The following PCDHGA4 variants were observed in gnomAD, a reference collection of about 807,000 sequenced individuals.
The protein encoded by PCDHGA4 is protocadherin gamma-A4.
In PCDHGA4, 38 loss-of-function variants were observed where a neutral mutation model predicts 54.6. That is an observed-to-expected ratio of 0.70 (90% confidence interval 0.54 to 0.91). The LOEUF (loss-of-function observed/expected upper bound fraction) is 0.91, where lower values mean the gene tolerates loss of function less well. PCDHGA4 is among the 40% of genes least tolerant of loss of function. PCDHGA4 has a pLI of 0.00. For synonymous variants in PCDHGA4, 511 were observed against 512.9 expected (o/e 1.00, Z 0.05); for missense variants, 1,298 against 1,220.9 (o/e 1.06, Z -0.94).
rs991408001 is a variant in PCDHGA4, at chr5:141,450,171, C to G, written c.2515-44636C>G. Among the ~76,000 whole-genome samples, 5 of 151,690 alleles carry G rather than the reference C, an allele frequency of 3.3e-5. No individual in the cohort carries two copies. In the East Asian group the frequency reaches 7.8e-4, roughly 24 times the overall value. ...ACAGGCATGTGCCACCACACTCCCACCACACCCAGCTAATTTTTGTATTTT... is the reference window on the plus strand; with the variant it reads ...ACAGGCATGTGCCACCACACTCCCAGCACACCCAGCTAATTTTTGTATTTT... On this transcript the variant is annotated intron_variant, in intron 1 of 3. Transcript: ENST00000571252.
intron 1 of PCDHGA4, chr5:141,419,680 C>T (rs757026598): frequency 9.3e-6 from 15 of 1,612,946 alleles, no homozygotes; most frequent in Non-Finnish European, 1.3e-5. Flanking sequence ...TGTCCTACCA[C>T]GTGGTGCAGG....
At chr5:141,393,968 C>T (rs2092886432) in intron 1 of PCDHGA4, 1 of 1,613,770 alleles carries the variant, frequency 6.2e-7, no homozygotes, top group Non-Finnish European at 8.5e-7. Context: ...TTGTCTGTTA[C>T]ACACGTGATA....
intron 1 of PCDHGA4, among the ~76,000 whole-genome samples, chr5:141,405,967 G>A (rs76683972): frequency 6.6e-6 from 1 of 152,068 alleles, no homozygotes; most frequent in Non-Finnish European, 1.5e-5. Flanking sequence ...TGCTGTCAAC[G>A]TAAACCATAC....
chr5:141,422,078 A>G lies in PCDHGA4; in HGVS notation c.2514+64457A>G, dbSNP rs1442545718. 11 of 1,612,298 alleles carry G rather than the reference A, an allele frequency of 6.8e-6. No homozygotes were observed. In the South Asian group the frequency reaches 8.8e-5, roughly 13 times the overall value. Reference sequence around the variant, plus strand: ...GGGGAAGTAATGTATTCATTTCGGAACATGGAAAGCAAGGCTTCTGAAATA... The same window carrying G: ...GGGGAAGTAATGTATTCATTTCGGAGCATGGAAAGCAAGGCTTCTGAAATA... On this transcript the variant is annotated intron_variant, in intron 1 of 3. Coordinates refer to ENST00000571252, the MANE Select transcript of PCDHGA4 (RefSeq NM_018917.4).
chr5:141,426,491 G>A, intron 1 of PCDHGA4: 1 of 336,822 alleles, frequency 3.0e-6, no homozygotes, highest in South Asian at 2.4e-5. Flanking sequence ...CTTAGAGTTA[G>A]TGCAGAGAAA....
chr5:141,375,250 T>C (rs1771286937), intron 1 of PCDHGA4: 3 of 1,613,664 alleles, frequency 1.9e-6, no homozygotes, highest in Non-Finnish European at 2.5e-6. Context: ...TCCCGAGAAG[T>C]CTCCCATTTG....
chr5:141,403,969 T>G (rs1437416293), intron 1 of PCDHGA4: 1 of 1,613,690 alleles, frequency 6.2e-7, no homozygotes, highest in African/African-American at 1.3e-5. Context: ...CGGTGGAAGA[T>G]GTAAATGACA....
chr5:141,397,978 C>T (rs2093593315), intron 1 of PCDHGA4: 3 of 1,261,604 alleles, frequency 2.4e-6, no homozygotes, highest in Admixed American at 2.8e-5. Flanking sequence ...CAGCGCCGGC[C>T]TTTACACCGC....
intron 1 of PCDHGA4, chr5:141,388,664 G>A: frequency 1.2e-6 from 2 of 1,613,908 alleles, no homozygotes; most frequent in South Asian, 2.2e-5. Context: ...CGGGGACCAC[G>A]GTGCTACAGG....
rs1760227280 is a variant in PCDHGA4, at chr5:141,356,457, C to T, written c.1350C>T (p.Asn450=). Residue 450 remains asparagine (N), a synonymous_variant, in exon 1 of 4, where the codon AAC becomes AAT. Coordinates refer to ENST00000571252, the MANE Select transcript of PCDHGA4 (RefSeq NM_018917.4). ...ACAGGGAAGAAGTCTCAGAATATAA[C>T]ATCACTGTAACTGCCACTGACCAGG... The part of the protein sequence containing the change: ...TLDREEVSEY[N]ITVTATDQGT... 6.2e-7 allele frequency: 1 copy of T among 1,613,452 alleles called. No individual in the cohort carries two copies. The highest frequency in any genetic ancestry group is 2.2e-5 in the East Asian group (1 of 44,880).
chr5:141,402,209 T>A (rs2094239307), intron 1 of PCDHGA4, among the ~76,000 whole-genome samples: 1 of 152,084 alleles, frequency 6.6e-6, no homozygotes, highest in Non-Finnish European at 1.5e-5. Context: ...AATACAAAAA[T>A]TTAAAATAAA....
At chr5:141,483,186 A>G (rs2099578047) in intron 1 of PCDHGA4, among the ~76,000 whole-genome samples, 1 of 152,174 alleles carries the variant, frequency 6.6e-6, no homozygotes, top group Non-Finnish European at 1.5e-5. Flanking sequence ...CAAGCCAAGG[A>G]GTTTTTATTT....
chr5:141,476,507 A>G lies in PCDHGA4; in HGVS notation c.2515-18300A>G. 1 of 1,614,102 alleles carries G rather than the reference A, an allele frequency of 6.2e-7. No individual in the cohort carries two copies. The highest frequency in any genetic ancestry group is 8.5e-7 in the Non-Finnish European group (1 of 1,180,008). On this transcript the variant is annotated intron_variant, in intron 1 of 3. Transcript: ENST00000571252. This position sits in a 1 kb window ranked among gnomAD's most constrained non-coding sequence, Gnocchi z 7.6. Reference sequence around the variant, plus strand: ...AGTGGTGATCCAGGACATCAACGACAACAATCCTGCTTTCCCTACCCAGGA... The same window carrying G: ...AGTGGTGATCCAGGACATCAACGACGACAATCCTGCTTTCCCTACCCAGGA...
chr5:141,451,528 G>C (rs1451101169), intron 1 of PCDHGA4, among the ~76,000 whole-genome samples: 8 of 152,210 alleles, frequency 5.3e-5, no homozygotes. Flanking sequence ...AAGTAAAGGA[G>C]AGTGCCAGAG....
chr5:141,428,156 C>G, intron 1 of PCDHGA4: 2 of 1,579,884 alleles, frequency 1.3e-6, no homozygotes, highest in Non-Finnish European at 1.7e-6. Flanking sequence ...CGGGAACCTG[C>G]TGGTTGCTGT....
chr5:141,490,938 C>A lies in PCDHGA4; in HGVS notation c.2515-3869C>A. 1.2e-6 allele frequency: 2 copies of A among 1,613,672 alleles called. No individual in the cohort carries two copies. Among genetic ancestry groups the A allele is most frequent in the Non-Finnish European group, 1.7e-6 (2 of 1,179,760 alleles). On this transcript the variant is annotated intron_variant, in intron 1 of 3. Coordinates refer to ENST00000571252, the MANE Select transcript of PCDHGA4 (RefSeq NM_018917.4). The surrounding 1 kb of genome is among the most constrained non-coding windows in gnomAD (Gnocchi z 5.4). ...ATGATAATGCCCCAGCTGTGCTGCA[C>A]CCACGGCCAGACTGGGAACACTCAG... is the stretch of plus-strand genomic sequence containing the variant.
chr5:141,504,963 AC>A (rs1409940135), intron 2 of PCDHGA4, among the ~76,000 whole-genome samples: 1 of 152,038 alleles, frequency 6.6e-6, no homozygotes, highest in Non-Finnish European at 1.5e-5. Context: ...AATGCATTGG[AC>A]CAGCCTGGCC....
chr5:141,478,839 T>G, intron 1 of PCDHGA4: 6 of 1,423,322 alleles, frequency 4.2e-6, no homozygotes, highest in Non-Finnish European at 5.5e-6. Flanking sequence ...AAGGGATGGT[T>G]AAGCTAAAAC....
At chr5:141,508,324 G>A (rs1668975090) in intron 3 of PCDHGA4, 1 of 151,252 alleles carries the variant, frequency 6.6e-6, no homozygotes, top group African/African-American at 2.4e-5. Flanking sequence ...GAGGGGCACT[G>A]GAGAACTGAC....
Sources: allele counts gnomAD v4.1 joint callset (sites outside exome capture counted in the v4.1 genomes callset), GRCh38; gene constraint gnomAD v4.1.1; non-coding constraint Gnocchi (gnomAD v3.1); transcripts MANE v1.5; gene names NCBI Gene and HGNC (gene_info 2026-07-23, HGNC 2026-07-21).